The following GRID2 variants were observed in gnomAD, a reference collection of about 807,000 sequenced individuals.
GRID2 encodes the protein glutamate receptor ionotropic, delta-2.
In GRID2, 33 loss-of-function variants were observed where a neutral mutation model predicts 114.8. That is an observed-to-expected ratio of 0.29 (90% CI 0.22 to 0.38). GRID2 has a LOEUF of 0.38. GRID2 is among the 10% of genes least tolerant of loss of function. The probability of loss-of-function intolerance (pLI) is 1.00; values close to 1 mark genes in which losing one functional copy is unlikely to be tolerated. For synonymous variants in GRID2, 505 were observed against 449.9 expected (o/e 1.12, Z -1.55); for missense variants, 1,184 against 1,257.7 (o/e 0.94, Z 0.89).
intron 11 of GRID2, among the ~76,000 whole-genome samples, chr4:93,477,203 G>T (rs1486123118): frequency 1.3e-5 from 2 of 152,022 alleles, no homozygotes; most frequent in South Asian, 2.1e-4. Context: ...ACTCACTTTT[G>T]TAAAAACCTG....
intron 2 of GRID2, among the ~76,000 whole-genome samples, chr4:92,689,656 C>G (rs141418143): frequency 6.6e-6 from 1 of 152,306 alleles, no homozygotes; most frequent in East Asian, 1.9e-4. Flanking sequence ...AGTTTCATTT[C>G]GAAACCACCC....
intron 2 of GRID2, among the ~76,000 whole-genome samples, chr4:92,940,149 C>A (rs1750994381): frequency 6.8e-6 from 1 of 146,996 alleles, no homozygotes; most frequent in African/African-American, 2.4e-5. Context: ...CTATAAATTA[C>A]CTTGAGCAGT....
At chr4:92,490,228 C>A (rs1178297293) in intron 1 of GRID2, among the ~76,000 whole-genome samples, 3 of 152,040 alleles carry the variant, frequency 2.0e-5, no homozygotes, top group Non-Finnish European at 4.4e-5. Flanking sequence ...TATAATCTGC[C>A]TGTTTGTAAC....
intron 1 of GRID2, among the ~76,000 whole-genome samples, chr4:92,480,249 G>T (rs1722516948): frequency 6.6e-6 from 1 of 152,058 alleles, no homozygotes; most frequent in Admixed American, 6.6e-5. Context: ...TACTTGAATT[G>T]TCTTGCTTTA....
chr4:93,239,170 TAA>T (rs1491580362), intron 8 of GRID2, among the ~76,000 whole-genome samples: 1 of 82,672 alleles, frequency 1.2e-5, no homozygotes, highest in Non-Finnish European at 2.4e-5. Context: ...TTGATATATA[TAA>T]TATATATATA....
rs1723179922 is a variant in GRID2, at chr4:93,020,528, G to A, written c.245-64467G>A. On this transcript the variant is annotated intron_variant, in intron 2 of 15. Transcript: ENST00000282020. ...ATAAATGGTAAAAAAACATAGTTTT[G>A]CATAACTTTGCTGATCATGAATAGT... is the stretch of plus-strand genomic sequence containing the variant. Among the ~76,000 whole-genome samples the A allele has an allele frequency of 3.9e-5, 6 of 152,070 alleles. No individual in the cohort carries two copies. In the South Asian group the frequency reaches 1.2e-3, roughly 32 times the overall value.
chr4:93,424,722 G>A (rs1428282981), intron 10 of GRID2, among the ~76,000 whole-genome samples: 2 of 152,064 alleles, frequency 1.3e-5, no homozygotes, highest in Non-Finnish European at 2.9e-5. Flanking sequence ...GTTACATTTA[G>A]TAAATATAGA....
At chr4:93,280,940 T>G (rs1403009976) in intron 8 of GRID2, among the ~76,000 whole-genome samples, 2 of 151,870 alleles carry the variant, frequency 1.3e-5, no homozygotes, top group African/African-American at 2.4e-5. Flanking sequence ...ATGTACAGAA[T>G]ACACAAAAAT....
At chr4:92,792,776 A>T (rs977473470) in intron 2 of GRID2, among the ~76,000 whole-genome samples, 1 of 151,642 alleles carries the variant, frequency 6.6e-6, no homozygotes, top group Non-Finnish European at 1.5e-5. Flanking sequence ...CTATATTTTA[A>T]TTTTTTTGAG....
chr4:93,021,757 A>G (rs1235426410), intron 2 of GRID2, among the ~76,000 whole-genome samples: 2 of 146,052 alleles, frequency 1.4e-5, no homozygotes, highest in South Asian at 2.1e-4. Flanking sequence ...TATTTATAAT[A>G]TGAATATTAT....
chr4:93,743,052 C>T (rs901653536), intron 14 of GRID2, among the ~76,000 whole-genome samples: 2 of 152,126 alleles, frequency 1.3e-5, no homozygotes, highest in South Asian at 4.1e-4. Context: ...AGTGCTACTC[C>T]AGTGAACATA....
intron 2 of GRID2, among the ~76,000 whole-genome samples, chr4:93,026,533 A>G (rs1253313485): frequency 2.0e-5 from 3 of 151,948 alleles, no homozygotes; most frequent in Non-Finnish European, 4.4e-5. Context: ...CTTGAAAATC[A>G]GTTCCATTTT....
chr4:92,383,582 A>G (rs2110241618), intron 1 of GRID2, among the ~76,000 whole-genome samples: 1 of 152,070 alleles, frequency 6.6e-6, no homozygotes, highest in African/African-American at 2.4e-5. Flanking sequence ...TAGTTTTCCC[A>G]GTATTCTAAA....
intron 1 of GRID2, among the ~76,000 whole-genome samples, chr4:92,431,335 C>T (rs992296079): frequency 1.3e-5 from 2 of 152,060 alleles, no homozygotes; most frequent in African/African-American, 4.8e-5. Flanking sequence ...TTTTATCAAA[C>T]ACTTTTTAGG....
chr4:92,382,994 A>C (rs1729695797), intron 1 of GRID2, among the ~76,000 whole-genome samples: 1 of 152,024 alleles, frequency 6.6e-6, no homozygotes, highest in Non-Finnish European at 1.5e-5. Context: ...GGAAGGTCTC[A>C]GGAAACTTTT....
intron 2 of GRID2, among the ~76,000 whole-genome samples, chr4:92,990,991 G>A (rs1257413023): frequency 6.6e-6 from 1 of 152,080 alleles, no homozygotes; most frequent in African/African-American, 2.4e-5. Context: ...TGATGATAAT[G>A]GTAGCCATCT....
At chr4:92,562,538 C>T (rs1246744234) in intron 1 of GRID2, among the ~76,000 whole-genome samples, 2 of 152,132 alleles carry the variant, frequency 1.3e-5, no homozygotes. Flanking sequence ...CCAAGTAGTA[C>T]TAACAGTCAA....
intron 8 of GRID2, among the ~76,000 whole-genome samples, chr4:93,268,126 C>A (rs565207657): frequency 1.2e-4 from 18 of 152,276 alleles, no homozygotes; most frequent in African/African-American, 4.1e-4. Flanking sequence ...CCAAAATTTT[C>A]TTTTGCTTTA....
chr4:92,620,225 G>T (rs1730202430), intron 2 of GRID2, among the ~76,000 whole-genome samples: 1 of 151,716 alleles, frequency 6.6e-6, no homozygotes, highest in East Asian at 1.9e-4. Flanking sequence ...AATGGTTTGA[G>T]TGATGGAATG....
Sources: allele counts gnomAD v4.1 joint callset (sites outside exome capture counted in the v4.1 genomes callset), GRCh38; gene constraint gnomAD v4.1.1; transcripts MANE v1.5; gene names NCBI Gene and HGNC (gene_info 2026-07-23, HGNC 2026-07-21).